TBCD: variants seen among roughly 807,000 people sequenced by gnomAD.
The protein encoded by TBCD is tubulin folding cofactor D, also known as tubulin-specific chaperone D.
Under a neutral mutation model 169.3 loss-of-function variants are expected in TBCD, and 105 were observed. The observed-to-expected ratio is 0.62, with a 90% CI of 0.53 to 0.73. The LOEUF is 0.73. Among genes scored for constraint, TBCD ranks in the 30% least tolerant of loss-of-function variants. The probability of loss-of-function intolerance (pLI) is 0.00; values close to 1 mark genes in which losing one functional copy is unlikely to be tolerated. For missense variants in TBCD, 1,444 were observed against 1,600.1 expected, an observed-to-expected ratio of 0.90 and a Z score of 1.66; for synonymous variants, 700 against 643.9, an observed-to-expected ratio of 1.09 and a Z score of -1.32.
chr17:82,827,811 G>GC (rs140476715), intron 13 of TBCD, among the ~76,000 whole-genome samples: 3,433 of 131,066 alleles, frequency 0.026, 155 homozygotes, highest in African/African-American at 0.095. Context: ...GATTGAATGT[G>GC]CCCCCCCACA....
In TBCD at chr17:82,915,141, G is replaced by C. The variant is rs1682442822; in HGVS notation, c.2038+3352G>C. On this transcript the variant is annotated intron_variant, in intron 23 of 38. Coordinates refer to ENST00000355528, the MANE Select transcript of TBCD (RefSeq NM_005993.5). The surrounding 1 kb of genome is among the most constrained non-coding windows in gnomAD (Gnocchi z 4.3). ...TTCACGGGCTACATGTGGGAGACGG[G>C]GAGGGGCTGCTGGTCACTTTCTCAC... Among the ~76,000 whole-genome samples the C allele has an allele frequency of 6.6e-6, 1 of 152,288 alleles. No homozygotes were observed. Among genetic ancestry groups the C allele is most frequent in the African/African-American group, 2.4e-5 (1 of 41,554 alleles).
chr17:82,851,116 G>A (rs1208510802), intron 13 of TBCD, among the ~76,000 whole-genome samples: 3 of 152,180 alleles, frequency 2.0e-5, no homozygotes, highest in African/African-American at 7.2e-5. Context: ...AGACATTTCA[G>A]AGACTCACTG....
At chr17:82,908,858 T>C (rs2060424388) in intron 21 of TBCD, among the ~76,000 whole-genome samples, 1 of 152,268 alleles carries the variant, frequency 6.6e-6, no homozygotes, top group Non-Finnish European at 1.5e-5. Flanking sequence ...TTTGGGACAG[T>C]GTGAGCATTC....
At chr17:82,887,129 C>CTGTG (rs1491345032) in intron 15 of TBCD, among the ~76,000 whole-genome samples, 821 of 66,222 alleles carry the variant, frequency 0.012, 5 homozygotes, top group Non-Finnish European at 0.018. Context: ...TTTACCTGTA[C>CTGTG]TCTGTGTGTG....
At chr17:82,872,509 C>G (rs2057651228) in intron 14 of TBCD, among the ~76,000 whole-genome samples, 2 of 152,212 alleles carry the variant, frequency 1.3e-5, no homozygotes, top group South Asian at 4.1e-4. Flanking sequence ...CGTGCCTGTG[C>G]CAGCCTGCAG....
intron 17 of TBCD, among the ~76,000 whole-genome samples, chr17:82,896,849 C>G (rs2059523272): frequency 1.3e-5 from 2 of 152,114 alleles, no homozygotes; most frequent in South Asian, 4.2e-4. Flanking sequence ...GGTCCGGGAT[C>G]TGGGGTCCTT....
chr17:82,801,670 AGTCAGCGTGGCAGGAGGGCGGCG>A (rs2050555123), intron 9 of TBCD, among the ~76,000 whole-genome samples: 2 of 86,560 alleles, frequency 2.3e-5, no homozygotes, highest in Non-Finnish European at 4.4e-5. Flanking sequence ...TGTGGGTCGG[AGTCAGCGTGGCAGGAGGGCGGCG>A]TGTGCGTTGT....
At chr17:82,893,129 C>G (rs1284270581) in intron 16 of TBCD, 2 of 184,870 alleles carry the variant, frequency 1.1e-5, no homozygotes, top group African/African-American at 4.8e-5. Flanking sequence ...CCCAGGCCTG[C>G]TCGCTCTGGT....
intron 9 of TBCD, among the ~76,000 whole-genome samples, chr17:82,805,338 C>T (rs1029147019): frequency 3.9e-5 from 6 of 152,186 alleles, no homozygotes; most frequent in Admixed American, 6.5e-5. Context: ...CCCTTCATGG[C>T]GTGTCCAGGG....
At chr17:82,875,436 C>CGCT (rs550330350) in intron 14 of TBCD, among the ~76,000 whole-genome samples, 49 of 152,334 alleles carry the variant, frequency 3.2e-4, no homozygotes, top group African/African-American at 9.1e-4. Flanking sequence ...CCGAGCCCTA[C>CGCT]GCTGCTGCTG....
In TBCD at chr17:82,937,348, C is replaced by T. The variant is rs762824588; in HGVS notation, c.3269C>T (p.Ser1090Leu). 2 of 1,614,002 alleles carry T rather than the reference C, an allele frequency of 1.2e-6. No homozygotes were observed. The highest frequency in any genetic ancestry group is 1.7e-6 in the Non-Finnish European group (2 of 1,179,890). Residue 1090 changes from serine to leucine, a missense_variant, in exon 35 of 39, where the codon TCA (serine) becomes TTA (leucine). Transcript: ENST00000355528. ...TCAAAAGATATCCAGAAGCTCCTGTCAGGCATCGCAGTGTGAGTTTCAAGT... is the reference window on the plus strand; with the variant it reads ...TCAAAAGATATCCAGAAGCTCCTGTTAGGCATCGCAGTGTGAGTTTCAAGT... ...KNSKDIQKLL[S>L]GIAVFCEMVQ...
At chr17:82,940,549 A>G (rs2063101318) in intron 37 of TBCD, among the ~76,000 whole-genome samples, 1 of 152,202 alleles carries the variant, frequency 6.6e-6, no homozygotes, top group South Asian at 2.1e-4. Flanking sequence ...CTCACGCACC[A>G]GGCAGCCGCT....
chr17:82,813,816 C>T (rs753469888), intron 12 of TBCD, among the ~76,000 whole-genome samples: 12 of 152,158 alleles, frequency 7.9e-5, no homozygotes, highest in African/African-American at 2.2e-4. Flanking sequence ...TTGAGTCTGT[C>T]GGTGACAGTG....
rs765341711 is a variant in TBCD, at chr17:82,939,386, G to A, written c.3389G>A (p.Ser1130Asn). The change falls in exon 37 of 39, where the codon AGC becomes AAC. Residue 1130 changes from serine (S) to asparagine (N), a missense_variant. Transcript: ENST00000355528. ...RFPLIRKTTA[S>N]QVYETLLTYS... The stretch of plus-strand genomic sequence containing the variant: ...TCCCAGATCCGGAAGACCACGGCCA[G>A]CCAGGTGTACGAGACATTGCTCACC... 9.9e-6 allele frequency: 16 copies of A among 1,612,596 alleles called. No homozygotes were observed. The highest frequency in any genetic ancestry group is 2.2e-5 in the East Asian group (1 of 44,892).
intron 36 of TBCD, 143 bp from the exon 37 acceptor site, chr17:82,939,224 G>C (rs182762023): frequency 2.3e-4 from 160 of 703,402 alleles, no homozygotes; most frequent in East Asian, 1.0e-3. Context: ...TTGCAGCCCT[G>C]CTGTGGCTGG....
chr17:82,777,484 G>A (rs2048671703), intron 6 of TBCD, among the ~76,000 whole-genome samples: 1 of 152,236 alleles, frequency 6.6e-6, no homozygotes, highest in Non-Finnish European at 1.5e-5. Flanking sequence ...CAAGACAAAG[G>A]GGCAGTGTAA....
intron 18 of TBCD, among the ~76,000 whole-genome samples, chr17:82,901,305 C>T (rs1195290563): frequency 6.6e-6 from 1 of 152,256 alleles, no homozygotes; most frequent in African/African-American, 2.4e-5. Context: ...TAGGACAGTG[C>T]CGTGCTGTGG....
chr17:82,841,153 A>C (rs903017034), intron 13 of TBCD, among the ~76,000 whole-genome samples: 1 of 151,450 alleles, frequency 6.6e-6, no homozygotes, highest in South Asian at 2.1e-4. Flanking sequence ...CGTGTTAGCC[A>C]GGATGGTCTT....
intron 6 of TBCD, 29 bp from the exon 7 acceptor site, chr17:82,781,560 G>C: frequency 6.2e-7 from 1 of 1,612,568 alleles, no homozygotes; most frequent in African/African-American, 1.3e-5. Flanking sequence ...CAGTGCTGAG[G>C]CCTTGGTTGA....
Sources: gnomAD v4.1 joint callset for allele counts (sites outside exome capture counted in the v4.1 genomes callset) on GRCh38, gnomAD v4.1.1 for gene constraint, Gnocchi (gnomAD v3.1) non-coding constraint, MANE v1.5 for transcripts, NCBI Gene and HGNC (gene_info 2026-07-23, HGNC 2026-07-21) for gene names.